The following CFAP299 variants were observed in gnomAD, a reference collection of about 807,000 sequenced individuals.
CFAP299 encodes the protein cilia and flagella associated protein 299.
CFAP299 carries 21 observed loss-of-function variants against 27.0 expected under a neutral mutation model. The observed-to-expected ratio is 0.78, with a 90% CI of 0.55 to 1.12. The LOEUF is 1.12. Among genes scored for constraint, CFAP299 ranks in the 50% most tolerant of loss-of-function variants. The probability of loss-of-function intolerance (pLI) is 0.00; values close to 1 mark genes in which losing one functional copy is unlikely to be tolerated. For missense variants in CFAP299, 310 were observed against 276.6 expected (o/e 1.12, Z -0.86); for synonymous variants, 104 against 98.1 (o/e 1.06, Z -0.36).
chr4:80,728,676 A>G (rs1248525214), intron 3 of CFAP299, among the ~76,000 whole-genome samples: 1 of 152,080 alleles, frequency 6.6e-6, no homozygotes, highest in African/African-American at 2.4e-5. Context: ...AAAATCTTTG[A>G]GTTATATTTT....
intron 3 of CFAP299, among the ~76,000 whole-genome samples, chr4:80,750,888 T>A (rs1162033791): frequency 6.6e-6 from 1 of 152,154 alleles, no homozygotes; most frequent in Non-Finnish European, 1.5e-5. Flanking sequence ...AAAAGGAACA[T>A]GAGGATTTCT....
chr4:80,593,011 G>C (rs939319514), intron 3 of CFAP299, among the ~76,000 whole-genome samples: 1 of 152,138 alleles, frequency 6.6e-6, no homozygotes, highest in Non-Finnish European at 1.5e-5. Context: ...TGTTTATTTA[G>C]ATGCTATAGC....
chr4:80,478,948 A>G (rs1730420478), intron 2 of CFAP299, among the ~76,000 whole-genome samples: 1 of 152,148 alleles, frequency 6.6e-6, no homozygotes, highest in African/African-American at 2.4e-5. Context: ...GGTATACTAC[A>G]TTGATTAGAC....
chr4:80,685,194 T>C (rs1037694487), intron 3 of CFAP299, among the ~76,000 whole-genome samples: 1 of 152,186 alleles, frequency 6.6e-6, no homozygotes, highest in African/African-American at 2.4e-5. Flanking sequence ...GCACCTAACA[T>C]TTCTCTGGAG....
chr4:80,340,838 C>T lies in CFAP299; in HGVS notation c.111+4959C>T, dbSNP rs183767421. ...TTGCCCAGGCTGGAGTGCAATGGTG[C>T]GATCTCGGCTCACAGCAACCTCCGC... On this transcript the variant is annotated intron_variant, in intron 1 of 5. Coordinates refer to ENST00000358105, the MANE Select transcript of CFAP299 (RefSeq NM_152770.3). Among the ~76,000 whole-genome samples the T allele has an allele frequency of 9.9e-5, 15 of 151,850 alleles. No individual in the cohort carries two copies. In the South Asian group the frequency reaches 1.2e-3, roughly 13 times the overall value.
chr4:80,729,377 C>G (rs1049519863), intron 3 of CFAP299, among the ~76,000 whole-genome samples: 4 of 152,094 alleles, frequency 2.6e-5, no homozygotes, highest in Non-Finnish European at 4.4e-5. Context: ...TCATCCTGTT[C>G]CCTTGAGCAG....
intron 4 of CFAP299, among the ~76,000 whole-genome samples, chr4:80,902,420 A>T (rs1192470851): frequency 8.7e-6 from 1 of 115,090 alleles, no homozygotes; most frequent in African/African-American, 5.3e-5. Flanking sequence ...AATATATAAT[A>T]TGTTTATATA....
chr4:80,745,999 T>C (rs371341818), intron 3 of CFAP299, among the ~76,000 whole-genome samples: 4 of 152,246 alleles, frequency 2.6e-5, no homozygotes, highest in African/African-American at 9.6e-5. Context: ...TGTGGTCTTC[T>C]GGCTATCAGT....
At chr4:80,668,333 G>A (rs1741249365) in intron 3 of CFAP299, among the ~76,000 whole-genome samples, 1 of 151,986 alleles carries the variant, frequency 6.6e-6, no homozygotes, top group Non-Finnish European at 1.5e-5. Context: ...GTCTATTGTT[G>A]CCTACTTTGC....
chr4:80,575,396 C>T (rs1735802668), intron 2 of CFAP299, among the ~76,000 whole-genome samples: 1 of 151,676 alleles, frequency 6.6e-6, no homozygotes, highest in Admixed American at 6.6e-5. Context: ...CACTATCACA[C>T]CTCACTGCAG....
At chr4:80,861,878 G>T (rs1732393717) in intron 3 of CFAP299, among the ~76,000 whole-genome samples, 1 of 152,038 alleles carries the variant, frequency 6.6e-6, no homozygotes, top group Non-Finnish European at 1.5e-5. Flanking sequence ...TGTCTTAGAA[G>T]TTTTTTAATT....
chr4:80,907,676 A>G (rs1735252247), intron 4 of CFAP299, among the ~76,000 whole-genome samples: 1 of 152,118 alleles, frequency 6.6e-6, no homozygotes, highest in Non-Finnish European at 1.5e-5. Context: ...GTGAGAACTC[A>G]CTTACTATCA....
upstream of CFAP299, among the ~76,000 whole-genome samples, chr4:80,335,181 G>GTC (rs1722073453): frequency 6.6e-6 from 1 of 152,152 alleles, no homozygotes; most frequent in African/African-American, 2.4e-5. Context: ...ATAAGTGCAA[G>GTC]AACTTGGTGC....
At chr4:80,836,508 C>T (rs1309008075) in intron 3 of CFAP299, among the ~76,000 whole-genome samples, 1 of 152,130 alleles carries the variant, frequency 6.6e-6, no homozygotes, top group Non-Finnish European at 1.5e-5. Context: ...ACATTCAAAG[C>T]CAACATGTTG....
At chr4:80,932,891 A>G (rs1736691223) in intron 4 of CFAP299, among the ~76,000 whole-genome samples, 1 of 152,192 alleles carries the variant, frequency 6.6e-6, no homozygotes, top group African/African-American at 2.4e-5. Context: ...ATAAAATTAT[A>G]GAATCATCTT....
intron 1 of CFAP299, among the ~76,000 whole-genome samples, chr4:80,344,424 T>C (rs754674833): frequency 3.9e-5 from 6 of 151,972 alleles, no homozygotes; most frequent in Non-Finnish European, 7.4e-5. Context: ...TCTGGACAAA[T>C]ACACCCTCCC....
chr4:80,786,812 A>G (rs1727271487), intron 3 of CFAP299, among the ~76,000 whole-genome samples: 1 of 152,126 alleles, frequency 6.6e-6, no homozygotes, highest in Admixed American at 6.6e-5. Flanking sequence ...CTACCTACCA[A>G]TGCTTGAAGG....
intron 3 of CFAP299, among the ~76,000 whole-genome samples, chr4:80,849,609 G>A (rs561709219): frequency 7.2e-5 from 11 of 152,132 alleles, no homozygotes; most frequent in African/African-American, 2.4e-4. Context: ...ATTAGTGATA[G>A]GTACATAGAA....
chr4:80,633,275 C>T (rs563481155), intron 3 of CFAP299, among the ~76,000 whole-genome samples: 17 of 152,118 alleles, frequency 1.1e-4, no homozygotes, highest in Non-Finnish European at 2.1e-4. Context: ...GGTGAAACCC[C>T]GTCTCTACTA....
Sources: gnomAD v4.1 joint callset for allele counts (sites outside exome capture counted in the v4.1 genomes callset) on GRCh38, gnomAD v4.1.1 for gene constraint, MANE v1.5 for transcripts, NCBI Gene and HGNC (gene_info 2026-07-23, HGNC 2026-07-21) for gene names.